The following DAB1 variants were observed in gnomAD, a reference collection of about 807,000 sequenced individuals.
The protein encoded by DAB1 is DAB adaptor protein 1.
A neutral mutation model predicts 64.6 loss-of-function variants in DAB1; 15 were observed. That is an observed-to-expected ratio of 0.23 (90% confidence interval 0.16 to 0.36). The LOEUF is 0.36. Among genes scored for constraint, DAB1 ranks in the 10% least tolerant of loss-of-function variants. The pLI is 1.00. For synonymous variants in DAB1, 235 were observed against 251.9 expected (o/e 0.93, Z 0.64); for missense variants, 596 against 706.7 (o/e 0.84, Z 1.78).
At chr1:57,152,807 G>T (rs1659819695) in intron 2 of DAB1, among the ~76,000 whole-genome samples, 1 of 152,122 alleles carries the variant, frequency 6.6e-6, no homozygotes. Flanking sequence ...GCAACATTAT[G>T]TGGTGGTTGT....
At chr1:57,514,754 A>G (rs1644444829) in intron 7 of DAB1, among the ~76,000 whole-genome samples, 2 of 152,290 alleles carry the variant, frequency 1.3e-5, no homozygotes, top group South Asian at 4.1e-4. Flanking sequence ...CTGGGGCCAG[A>G]CTGTCTAGGT....
intron 12 of DAB1, among the ~76,000 whole-genome samples, chr1:57,011,576 C>G (rs1190843090): frequency 6.6e-6 from 1 of 152,076 alleles, no homozygotes; most frequent in Non-Finnish European, 1.5e-5. Flanking sequence ...ATTTTCTGAC[C>G]CTACCCCAGA....
At chr1:58,429,263 G>T (rs1002574335) in intron 3 of DAB1, among the ~76,000 whole-genome samples, 3 of 152,200 alleles carry the variant, frequency 2.0e-5, no homozygotes, top group Non-Finnish European at 2.9e-5. Context: ...TAAATGGTAC[G>T]TGGTGGGGTT....
At chr1:57,536,223 G>A (rs1172643980) in intron 7 of DAB1, among the ~76,000 whole-genome samples, 1 of 152,190 alleles carries the variant, frequency 6.6e-6, no homozygotes, top group Non-Finnish European at 1.5e-5. Flanking sequence ...ACCCTGGCTT[G>A]GAACAGTTGG....
chr1:57,619,609 C>T (rs867011105), intron 7 of DAB1, among the ~76,000 whole-genome samples: 1 of 152,080 alleles, frequency 6.6e-6, no homozygotes, highest in Middle Eastern at 3.4e-3. Flanking sequence ...CCCTGTGTTG[C>T]CAGGCTGGTC....
chr1:57,897,418 A>G (rs1257024951), intron 5 of DAB1, among the ~76,000 whole-genome samples: 1 of 152,148 alleles, frequency 6.6e-6, no homozygotes, highest in Non-Finnish European at 1.5e-5. Flanking sequence ...GTGGAAAAAA[A>G]AATCCCATAT....
At chr1:57,221,215 G>C (rs2100382961) in intron 2 of DAB1, among the ~76,000 whole-genome samples, 1 of 151,752 alleles carries the variant, frequency 6.6e-6, no homozygotes, top group South Asian at 2.1e-4. Context: ...CTTGGACACA[G>C]GAAGGGGAAC....
intron 3 of DAB1, among the ~76,000 whole-genome samples, chr1:58,459,629 T>C (rs1645224110): frequency 6.6e-6 from 1 of 152,274 alleles, no homozygotes; most frequent in South Asian, 2.1e-4. Flanking sequence ...AGTCTTTTTA[T>C]AATGTAATTT....
intron 4 of DAB1, among the ~76,000 whole-genome samples, chr1:58,161,943 G>A (rs1327408739): frequency 6.6e-6 from 1 of 152,152 alleles, no homozygotes; most frequent in Admixed American, 6.6e-5. Context: ...TAAAGAATGG[G>A]ATTTGAGGGG....
At chr1:57,074,341 G>T (rs1651790404) in intron 4 of DAB1, among the ~76,000 whole-genome samples, 1 of 152,102 alleles carries the variant, frequency 6.6e-6, no homozygotes, top group Non-Finnish European at 1.5e-5. Flanking sequence ...GTCCATGGAG[G>T]GAGAGAGAAA....
chr1:58,257,819 G>A (rs1660965927), intron 4 of DAB1, among the ~76,000 whole-genome samples: 1 of 152,156 alleles, frequency 6.6e-6, no homozygotes, highest in Admixed American at 6.6e-5. Context: ...ATGAGGTTAT[G>A]GTTTATGATG....
chr1:58,024,297 G>C (rs141081336), intron 5 of DAB1, among the ~76,000 whole-genome samples: 1 of 151,456 alleles, frequency 6.6e-6, no homozygotes, highest in African/African-American at 2.4e-5. Flanking sequence ...CACAAAAGAA[G>C]CTCGGGGTTT....
rs182226398 is a variant in DAB1 at position 57,319,027 on chromosome 1, G to A, written c.-136-27861C>T. Among the ~76,000 whole-genome samples, 219 of 152,102 alleles carry A rather than the reference G, an allele frequency of 1.4e-3. 2 individuals carry two copies. The highest frequency in any genetic ancestry group is 2.4e-3 in the Non-Finnish European group (162 of 68,002). Reference sequence around the variant, plus strand: ...GCCCTCTAACCACTGAGGGTGAAAGGCCTCCATGTCATCAGCATTGGAGAT... The same window carrying A: ...GCCCTCTAACCACTGAGGGTGAAAGACCTCCATGTCATCAGCATTGGAGAT... On this transcript the variant is annotated intron_variant, in intron 1 of 14. Transcript: ENST00000371236.
At chr1:57,073,355 T>G (rs1651684336) in intron 4 of DAB1, among the ~76,000 whole-genome samples, 1 of 152,192 alleles carries the variant, frequency 6.6e-6, no homozygotes, top group Non-Finnish European at 1.5e-5. Flanking sequence ...GTTGTTGAAC[T>G]AAAGTAAACT....
chr1:57,144,118 T>C (rs1197986709), intron 3 of DAB1, among the ~76,000 whole-genome samples: 1 of 151,858 alleles, frequency 6.6e-6, no homozygotes, highest in Non-Finnish European at 1.5e-5. Context: ...ACACTGATTG[T>C]CTTTGTGGGA....
At chr1:57,781,612 G>A (rs898200210) in intron 6 of DAB1, among the ~76,000 whole-genome samples, 1 of 150,640 alleles carries the variant, frequency 6.6e-6, no homozygotes, top group Non-Finnish European at 1.5e-5. Flanking sequence ...ATAGCAGGGA[G>A]AAATTTTAAG....
intron 9 of DAB1, among the ~76,000 whole-genome samples, chr1:57,043,617 CG>C (rs887348403): frequency 2.0e-5 from 3 of 152,144 alleles, no homozygotes; most frequent in African/African-American, 7.2e-5. Context: ...GAGGCTGAGG[CG>C]GGCGGATCAC....
chr1:58,171,746 C>G (rs895560469), intron 4 of DAB1, among the ~76,000 whole-genome samples: 1 of 152,214 alleles, frequency 6.6e-6, no homozygotes, highest in Non-Finnish European at 1.5e-5. Flanking sequence ...CTTCTTAAGT[C>G]CAGACACTCT....
At chr1:57,409,190 A>G (rs1037746142) in intron 1 of DAB1, among the ~76,000 whole-genome samples, 6 of 152,144 alleles carry the variant, frequency 3.9e-5, no homozygotes, top group African/African-American at 9.7e-5. Flanking sequence ...GGTCTATCAT[A>G]CCACAGAGGT....
Sources: allele counts gnomAD v4.1 joint callset (sites outside exome capture counted in the v4.1 genomes callset), GRCh38; gene constraint gnomAD v4.1.1; transcripts MANE v1.5; gene names NCBI Gene and HGNC (gene_info 2026-07-23, HGNC 2026-07-21).